YEATS4: variants seen among roughly 807,000 people sequenced by gnomAD.
YEATS4 encodes YEATS domain containing 4, also known as YEATS domain-containing protein 4.
A neutral mutation model predicts 30.1 loss-of-function variants in YEATS4; 17 were observed. The ratio of observed to expected loss-of-function variants is 0.56; its 90% confidence interval spans 0.39 to 0.85. YEATS4 has a LOEUF of 0.85. YEATS4 is among the 40% of genes least tolerant of loss of function. YEATS4 has a pLI of 0.00. For synonymous variants in YEATS4, 85 were observed against 87.5 expected (o/e 0.97, Z 0.16); for missense variants, 142 against 268.3 (o/e 0.53, Z 3.29).
At chr12:69,404,252 T>TC in the YEATS4 span, among the ~76,000 whole-genome samples, 1 of 152,176 alleles carries the variant, frequency 6.6e-6, no homozygotes, top group African/African-American at 2.4e-5. Context: ...TTCAATCTTC[T>TC]CCCCATCATG....
chr12:69,370,044 T>C (rs913539933), intron 4 of YEATS4, among the ~76,000 whole-genome samples: 2 of 151,992 alleles, frequency 1.3e-5, no homozygotes, highest in African/African-American at 4.8e-5. Flanking sequence ...TAGCTAACTT[T>C]TTAGAAAATT....
the YEATS4 span, among the ~76,000 whole-genome samples, chr12:69,417,899 A>G: frequency 1.3e-5 from 2 of 151,444 alleles, no homozygotes; most frequent in African/African-American, 4.8e-5. Flanking sequence ...TTTGAAGCCA[A>G]ATGCCCCTTA....
chr12:69,376,526 G>A (rs1295983194), intron 6 of YEATS4, among the ~76,000 whole-genome samples: 1 of 152,196 alleles, frequency 6.6e-6, no homozygotes, highest in African/African-American at 2.4e-5. Flanking sequence ...ATTTGCTCAT[G>A]TTGAGCGATT....
chr12:69,415,272 T>A, the YEATS4 span, among the ~76,000 whole-genome samples: 2 of 151,994 alleles, frequency 1.3e-5, no homozygotes, highest in Admixed American at 1.3e-4. Flanking sequence ...AACCAACATT[T>A]AGTGTCAAAA....
chr12:69,397,528 G>A, the YEATS4 span, among the ~76,000 whole-genome samples: 31 of 152,122 alleles, frequency 2.0e-4, no homozygotes, highest in Non-Finnish European at 3.8e-4. Flanking sequence ...ATAAAGGGTA[G>A]TTCCCCTGCA....
the YEATS4 span, among the ~76,000 whole-genome samples, chr12:69,426,471 A>G: frequency 1.3e-5 from 2 of 152,226 alleles, no homozygotes; most frequent in South Asian, 4.1e-4. Context: ...CCCGGGTTCA[A>G]GCAATTCTCC....
At chr12:69,370,348 C>T (rs957796099) in intron 4 of YEATS4, among the ~76,000 whole-genome samples, 1 of 152,210 alleles carries the variant, frequency 6.6e-6, no homozygotes. Context: ...CTCTAATCTT[C>T]AAAGCAGTCA....
intron 1 of YEATS4, among the ~76,000 whole-genome samples, chr12:69,361,837 A>G (rs1875222324): frequency 6.6e-6 from 1 of 152,262 alleles, no homozygotes; most frequent in South Asian, 2.1e-4. Flanking sequence ...CAAATGTAGC[A>G]AACATGTCAT....
At chr12:69,413,568 G>A in the YEATS4 span, among the ~76,000 whole-genome samples, 1 of 133,186 alleles carries the variant, frequency 7.5e-6, no homozygotes, top group South Asian at 2.3e-4. Context: ...GTAAAGATAT[G>A]AGGCTGGGCA....
chr12:69,393,565 TAAAG>T (rs200913534), downstream of YEATS4, among the ~76,000 whole-genome samples: 671 of 119,778 alleles, frequency 5.6e-3, 9 homozygotes, highest in African/African-American at 4.1e-3. Context: ...CAACAATTGA[TAAAG>T]AAAAGAAAAA....
chr12:69,381,942 C>G (rs889135462), intron 6 of YEATS4, among the ~76,000 whole-genome samples: 4 of 152,180 alleles, frequency 2.6e-5, no homozygotes, highest in Non-Finnish European at 5.9e-5. Flanking sequence ...TAGACTTAAT[C>G]CAAGTCGTGG....
the YEATS4 span, among the ~76,000 whole-genome samples, chr12:69,417,187 T>G: frequency 1.5e-5 from 2 of 133,820 alleles, no homozygotes; most frequent in African/African-American, 5.7e-5. Context: ...AGACAGAATC[T>G]CACTCTGTTG....
At chr12:69,393,549 C>G (rs545937571), downstream of YEATS4, among the ~76,000 whole-genome samples, 4 of 150,312 alleles carry the variant, frequency 2.7e-5, no homozygotes, top group South Asian at 6.3e-4. Flanking sequence ...TCAACCCAGC[C>G]CCTGCCAACA....
At chr12:69,384,285 C>G (rs1439555732) in intron 6 of YEATS4, among the ~76,000 whole-genome samples, 1 of 148,100 alleles carries the variant, frequency 6.8e-6, no homozygotes, top group East Asian at 2.0e-4. Context: ...CAAGTGCTCA[C>G]ATTTTTCTGT....
intron 2 of YEATS4, chr12:69,364,384 A>T (rs1875349374): frequency 5.3e-6 from 1 of 188,890 alleles, no homozygotes; most frequent in South Asian, 7.3e-5. Context: ...AAAATTCCTA[A>T]AAGTAAATTA....
At chr12:69,402,725 C>CTTTTTTTTTTTTTT in the YEATS4 span, among the ~76,000 whole-genome samples, 2 of 113,112 alleles carry the variant, frequency 1.8e-5, no homozygotes, top group African/African-American at 3.3e-5. Context: ...TCTTTCTTTT[C>CTTTTTTTTTTTTTT]TTTTTTTTTT....
the YEATS4 span, among the ~76,000 whole-genome samples, chr12:69,402,129 T>G: frequency 6.6e-6 from 1 of 152,202 alleles, no homozygotes; most frequent in Admixed American, 6.5e-5. Flanking sequence ...TCCCTGCCAA[T>G]TAACTTCCAG....
chr12:69,376,541 C>T (rs552542099), intron 6 of YEATS4, among the ~76,000 whole-genome samples: 6 of 152,346 alleles, frequency 3.9e-5, no homozygotes, highest in Admixed American at 3.9e-4. Flanking sequence ...GCGATTCTTA[C>T]ATCCCTGGGA....
At chr12:69,393,036 T>C (rs1045952914), downstream of YEATS4, among the ~76,000 whole-genome samples, 1 of 152,244 alleles carries the variant, frequency 6.6e-6, no homozygotes, top group African/African-American at 2.4e-5. Context: ...AAAGCATAGA[T>C]ATTTGAAATC....
Sources: allele counts gnomAD v4.1 joint callset (sites outside exome capture counted in the v4.1 genomes callset), GRCh38; gene constraint gnomAD v4.1.1; transcripts MANE v1.5; gene names NCBI Gene and HGNC (gene_info 2026-07-23, HGNC 2026-07-21).